UNC13C: variants seen among roughly 807,000 people sequenced by gnomAD.
UNC13C encodes protein unc-13 homolog C.
A neutral mutation model predicts 245.4 loss-of-function variants in UNC13C; 174 were observed. The observed-to-expected ratio is 0.71, with a 90% confidence interval of 0.63 to 0.80. UNC13C has a LOEUF of 0.80. UNC13C is among the 30% of genes least tolerant of loss of function. The pLI is 0.00. For missense variants in UNC13C, 2,829 were observed against 2,602.9 expected (o/e 1.09, Z -1.89); for synonymous variants, 992 against 895.1 (o/e 1.11, Z -1.93).
chr15:54,122,611 G>T (rs1474656293), intron 2 of UNC13C, among the ~76,000 whole-genome samples: 1 of 151,914 alleles, frequency 6.6e-6, no homozygotes, highest in Non-Finnish European at 1.5e-5. Flanking sequence ...ACCACAGAAT[G>T]TTCTGTCATG....
chr15:54,228,236 TC>T (rs2035450512), intron 4 of UNC13C, among the ~76,000 whole-genome samples: 2 of 152,180 alleles, frequency 1.3e-5, no homozygotes, highest in African/African-American at 4.8e-5. Flanking sequence ...AGCCTGGAGT[TC>T]TTTTTTCAAA....
intron 2 of UNC13C, among the ~76,000 whole-genome samples, chr15:54,108,839 A>C (rs766304383): frequency 6.6e-6 from 1 of 152,194 alleles, no homozygotes; most frequent in Non-Finnish European, 1.5e-5. Flanking sequence ...GGAACCTGCT[A>C]TGGGAGATAT....
the UNC13C span, chr15:53,948,021 C>A: frequency 6.6e-6 from 1 of 152,178 alleles, no homozygotes; most frequent in East Asian, 1.9e-4. Context: ...GATTCAGTAG[C>A]GCAATTAGGT....
intron 2 of UNC13C, among the ~76,000 whole-genome samples, chr15:54,031,763 C>T (rs527987326): frequency 1.3e-5 from 2 of 152,144 alleles, no homozygotes; most frequent in East Asian, 3.9e-4. Flanking sequence ...AAATAAGGAT[C>T]AAATATTAAT....
chr15:54,247,018 G>C (rs2036009991), intron 7 of UNC13C, among the ~76,000 whole-genome samples: 1 of 152,120 alleles, frequency 6.6e-6, no homozygotes. Flanking sequence ...CTTGTTCTAG[G>C]AATCTCCATG....
chr15:53,943,656 CT>C, the UNC13C span, among the ~76,000 whole-genome samples: 12 of 151,990 alleles, frequency 7.9e-5, 1 homozygote, highest in African/African-American at 2.9e-4. Context: ...GTTTTTTTCC[CT>C]AAAAAAATTA....
chr15:54,600,246 A>C (rs1187879069), intron 30 of UNC13C, among the ~76,000 whole-genome samples: 1 of 152,110 alleles, frequency 6.6e-6, no homozygotes, highest in African/African-American at 2.4e-5. Flanking sequence ...GATCTTATCA[A>C]AGTGAGACCT....
intron 2 of UNC13C, among the ~76,000 whole-genome samples, chr15:54,059,857 G>A (rs553365100): frequency 3.6e-4 from 55 of 152,270 alleles, no homozygotes; most frequent in Admixed American, 1.3e-3. Context: ...ACAAAAACAA[G>A]CAATGGGGAA....
intron 2 of UNC13C, 102 bp downstream of exon 2, chr15:54,015,988 T>G: frequency 2.0e-6 from 2 of 1,013,698 alleles, no homozygotes; most frequent in Non-Finnish European, 2.8e-6. Context: ...AAGAGTTTAC[T>G]TGCAATGACT....
At chr15:54,417,865 A>G (rs917348570) in intron 19 of UNC13C, among the ~76,000 whole-genome samples, 3 of 152,128 alleles carry the variant, frequency 2.0e-5, no homozygotes, top group Non-Finnish European at 2.9e-5. Flanking sequence ...AATTATTTTC[A>G]TTTATATTAG....
intron 2 of UNC13C, among the ~76,000 whole-genome samples, chr15:54,099,346 C>T (rs1900044577): frequency 6.6e-6 from 1 of 152,136 alleles, no homozygotes; most frequent in Non-Finnish European, 1.5e-5. Context: ...CAAGACTCTG[C>T]TGCAAATCGT....
chr15:54,112,989 A>G (rs2029924901), intron 2 of UNC13C, among the ~76,000 whole-genome samples: 1 of 152,202 alleles, frequency 6.6e-6, no homozygotes, highest in African/African-American at 2.4e-5. Flanking sequence ...ACAGGGTTGC[A>G]AATAGGTACA....
intron 19 of UNC13C, among the ~76,000 whole-genome samples, chr15:54,428,441 T>C (rs1177367813): frequency 1.3e-5 from 2 of 151,528 alleles, no homozygotes; most frequent in Non-Finnish European, 3.0e-5. Context: ...CTGTTCCCTC[T>C]GCTTGGACTA....
chr15:54,567,857 G>T lies in UNC13C; in HGVS notation c.6016G>T (p.Asp2006Tyr). ...LKKNFLEKSPDLQSLRYALSL... is the reference protein window; with the variant it reads ...LKKNFLEKSPYLQSLRYALSL... ...AAAGAATTTCTTGGAGAAAAGCCCA[G>T]ATCTTCAGTCTCTGAGATATGCTCT... The change falls in exon 30 of 33, where the codon GAT becomes TAT. Residue 2006 changes from aspartate (D) to tyrosine (Y), a missense_variant. Transcript: ENST00000260323. The T allele has an allele frequency of 6.2e-7, 1 of 1,603,938 alleles. No homozygotes were observed. Among genetic ancestry groups the T allele is most frequent in the Non-Finnish European group, 8.5e-7 (1 of 1,174,438 alleles).
the UNC13C span, among the ~76,000 whole-genome samples, chr15:53,866,230 C>T: frequency 6.6e-6 from 1 of 152,076 alleles, no homozygotes. Flanking sequence ...AACATTAAAC[C>T]TTTCAAGTTT....
chr15:54,298,520 C>T (rs1280332748), intron 12 of UNC13C, among the ~76,000 whole-genome samples: 1 of 152,158 alleles, frequency 6.6e-6, no homozygotes, highest in African/African-American at 2.4e-5. Flanking sequence ...TCCGTGTTAA[C>T]CTCTCTTTCT....
intron 3 of UNC13C, 72 bp from the exon 4 acceptor site, chr15:54,143,548 G>T: frequency 7.7e-7 from 1 of 1,291,724 alleles, no homozygotes; most frequent in South Asian, 1.3e-5. Context: ...CCTGTGTCCC[G>T]ATTTCGTGTA....
At chr15:54,616,962 G>A (rs149645045) in intron 30 of UNC13C, among the ~76,000 whole-genome samples, 1 of 152,000 alleles carries the variant, frequency 6.6e-6, no homozygotes, top group Non-Finnish European at 1.5e-5. Flanking sequence ...ACAAATACAG[G>A]TGTTACAACT....
At chr15:54,330,802 C>A (rs1270718232) in intron 14 of UNC13C, among the ~76,000 whole-genome samples, 1 of 152,000 alleles carries the variant, frequency 6.6e-6, no homozygotes, top group African/African-American at 2.4e-5. Context: ...ACGTTCAACT[C>A]ATCTGTATTT....
Sources: allele counts gnomAD v4.1 joint callset (sites outside exome capture counted in the v4.1 genomes callset), GRCh38; gene constraint gnomAD v4.1.1; transcripts MANE v1.5; gene names NCBI Gene and HGNC (gene_info 2026-07-23, HGNC 2026-07-21).